The following IMMP2L variants were observed in gnomAD, a reference collection of about 807,000 sequenced individuals.
IMMP2L encodes the protein mitochondrial inner membrane protease subunit 2.
Under a neutral mutation model 19.3 loss-of-function variants are expected in IMMP2L, and 18 were observed. The ratio of observed to expected loss-of-function variants is 0.93; its 90% CI spans 0.64 to 1.38. The LOEUF (loss-of-function observed/expected upper bound fraction) is 1.38, where lower values mean the gene tolerates loss of function less well. Among genes scored for constraint, IMMP2L ranks in the 40% most tolerant of loss-of-function variants. IMMP2L has a pLI of 0.00. For missense variants in IMMP2L, 233 were observed against 218.2 expected (o/e 1.07, Z -0.43); for synonymous variants, 76 against 73.0 (o/e 1.04, Z -0.21).
chr7:111,151,684 A>T (rs944449707), intron 3 of IMMP2L, among the ~76,000 whole-genome samples: 1 of 152,188 alleles, frequency 6.6e-6, no homozygotes, highest in African/African-American at 2.4e-5. Flanking sequence ...CACGCCTCTA[A>T]CACCACCATG....
chr7:111,178,535 C>T (rs1807334793), intron 3 of IMMP2L, among the ~76,000 whole-genome samples: 1 of 152,014 alleles, frequency 6.6e-6, no homozygotes, highest in South Asian at 2.1e-4. Context: ...TAGCATTTTA[C>T]CCACAGTAGA....
chr7:111,025,222 A>G (rs916597547), intron 3 of IMMP2L, among the ~76,000 whole-genome samples: 1 of 152,222 alleles, frequency 6.6e-6, no homozygotes, highest in African/African-American at 2.4e-5. Flanking sequence ...GTAAACAAGT[A>G]AAGTGGCTCA....
chr7:111,052,740 A>G (rs1020661464), intron 3 of IMMP2L, among the ~76,000 whole-genome samples: 9 of 152,140 alleles, frequency 5.9e-5, no homozygotes, highest in African/African-American at 1.9e-4. Context: ...ATAGAGTTTG[A>G]CTTTTTTTTG....
chr7:111,250,880 G>A (rs1026359475), intron 3 of IMMP2L, among the ~76,000 whole-genome samples: 1 of 152,092 alleles, frequency 6.6e-6, no homozygotes, highest in Non-Finnish European at 1.5e-5. Context: ...AAAAGCCACA[G>A]CAACAAAAGC....
chr7:110,739,395 A>G (rs1184951168), intron 5 of IMMP2L, among the ~76,000 whole-genome samples: 1 of 152,200 alleles, frequency 6.6e-6, no homozygotes, highest in Non-Finnish European at 1.5e-5. Flanking sequence ...ATGGACACCC[A>G]AAGCAAGCAG....
chr7:111,175,964 C>A (rs1021436313), intron 3 of IMMP2L, among the ~76,000 whole-genome samples: 2 of 151,702 alleles, frequency 1.3e-5, no homozygotes, highest in African/African-American at 4.8e-5. Flanking sequence ...GGCAAAAGAT[C>A]TGAATAGATA....
chr7:111,333,839 G>C (rs773090776), intron 3 of IMMP2L, among the ~76,000 whole-genome samples: 18 of 152,112 alleles, frequency 1.2e-4, no homozygotes, highest in African/African-American at 4.3e-4. Context: ...TCCTTGCTCC[G>C]CAGCTTGCAG....
At chr7:111,000,760 C>G (rs537853200) in intron 3 of IMMP2L, among the ~76,000 whole-genome samples, 1 of 151,800 alleles carries the variant, frequency 6.6e-6, no homozygotes, top group East Asian at 1.9e-4. Context: ...AGAAGAATCA[C>G]TTGAACCTGG....
At chr7:111,149,079 C>G (rs892619726) in intron 3 of IMMP2L, among the ~76,000 whole-genome samples, 1 of 151,942 alleles carries the variant, frequency 6.6e-6, no homozygotes, top group Non-Finnish European at 1.5e-5. Flanking sequence ...TTAAAGAGTA[C>G]GTTAAAAGTA....
chr7:110,929,693 A>C (rs1039730259), intron 4 of IMMP2L, among the ~76,000 whole-genome samples: 5 of 152,202 alleles, frequency 3.3e-5, no homozygotes, highest in African/African-American at 1.2e-4. Flanking sequence ...CTTCTGCCTA[A>C]GCAGGCTCAT....
intron 3 of IMMP2L, among the ~76,000 whole-genome samples, chr7:111,056,478 A>C (rs2129574009): frequency 6.6e-6 from 1 of 152,354 alleles, no homozygotes; most frequent in Non-Finnish European, 1.5e-5. Flanking sequence ...ACATCGTTTC[A>C]AGTAGCTATG....
chr7:110,892,294 G>A (rs1482151712), intron 4 of IMMP2L, among the ~76,000 whole-genome samples: 1 of 152,078 alleles, frequency 6.6e-6, no homozygotes, highest in Admixed American at 6.6e-5. Context: ...ACAAACCATC[G>A]TCTGCTTTGT....
intron 3 of IMMP2L, among the ~76,000 whole-genome samples, chr7:111,228,968 T>C (rs1391905608): frequency 8.4e-5 from 1 of 11,876 alleles, no homozygotes; most frequent in Admixed American, 4.8e-4. Context: ...TAGCAATGCG[T>C]GTGTGTGTGT....
intron 5 of IMMP2L, 137 bp from the exon 6 acceptor site, chr7:110,663,858 A>C (rs1584433030): frequency 3.7e-6 from 2 of 547,260 alleles, no homozygotes. Flanking sequence ...AATAGTAAAC[A>C]CCTTTTGTAG....
chr7:111,436,396 G>A lies in IMMP2L; in HGVS notation c.239+50842C>T, dbSNP rs183073438. On this transcript the variant is annotated intron_variant, in intron 3 of 5. Transcript: ENST00000405709. ...AAAGGTATACTTTTAACCAAACAATGTATAAATACAAAAACAAAATTTCTC... is the reference window on the plus strand; with the variant it reads ...AAAGGTATACTTTTAACCAAACAATATATAAATACAAAAACAAAATTTCTC... Among the ~76,000 whole-genome samples the A allele has an allele frequency of 1.4e-3, 214 of 151,520 alleles. 1 individual carries two copies. The highest frequency in any genetic ancestry group is 9.1e-4 in the Non-Finnish European group (62 of 67,936).
chr7:110,847,790 G>T (rs535222073), intron 5 of IMMP2L, among the ~76,000 whole-genome samples: 2 of 152,236 alleles, frequency 1.3e-5, no homozygotes, highest in East Asian at 3.9e-4. Flanking sequence ...AGGAATGAAG[G>T]TAAGTCAATG....
intron 3 of IMMP2L, chr7:111,390,501 C>T (rs1832240383): frequency 1.3e-5 from 2 of 152,124 alleles, no homozygotes; most frequent in Non-Finnish European, 2.9e-5. Context: ...GAGTAGGTAA[C>T]TTTATTTCCT....
intron 3 of IMMP2L, among the ~76,000 whole-genome samples, chr7:111,275,183 G>C (rs1364878741): frequency 9.9e-5 from 15 of 152,150 alleles, no homozygotes; most frequent in Non-Finnish European, 2.2e-4. Flanking sequence ...ATACAGGTCA[G>C]TGCCTGTAAG....
At chr7:110,768,336 A>G (rs76097426) in intron 5 of IMMP2L, among the ~76,000 whole-genome samples, 3,402 of 151,392 alleles carry the variant, frequency 0.022, 59 homozygotes, top group Middle Eastern at 0.045. Context: ...GAATGACCAC[A>G]GTAAAGGATA....
Sources: gnomAD v4.1 joint callset for allele counts (sites outside exome capture counted in the v4.1 genomes callset) on GRCh38, gnomAD v4.1.1 for gene constraint, MANE v1.5 for transcripts, NCBI Gene and HGNC (gene_info 2026-07-23, HGNC 2026-07-21) for gene names.